LITAF: variants seen among roughly 807,000 people sequenced by gnomAD.
LITAF encodes the protein lipopolysaccharide-induced tumor necrosis factor-alpha factor.
In LITAF, 9 loss-of-function variants were observed where a neutral mutation model predicts 14.5. That is an observed-to-expected ratio of 0.62 (90% CI 0.37 to 1.08). The LOEUF (loss-of-function observed/expected upper bound fraction) is 1.08, where lower values mean the gene tolerates loss of function less well. Among genes scored for constraint, LITAF ranks in the 50% least tolerant of loss-of-function variants. The probability of loss-of-function intolerance (pLI) is 0.01; values close to 1 mark genes in which losing one functional copy is unlikely to be tolerated. For missense variants in LITAF, 206 were observed against 213.4 expected (o/e 0.97, Z 0.22); for synonymous variants, 98 against 88.2 (o/e 1.11, Z -0.62).
chr16:11,589,921 G>GAGAT (rs2064837966), upstream of LITAF, among the ~76,000 whole-genome samples: 71 of 120,900 alleles, frequency 5.9e-4, no homozygotes, highest in East Asian at 1.6e-3. Flanking sequence ...ACCACACCCA[G>GAGAT]CCAGTTGCAT....
At chr16:11,585,230 CAAAAAAA>C (rs35542925) in intron 1 of LITAF, among the ~76,000 whole-genome samples, 3 of 90,704 alleles carry the variant, frequency 3.3e-5, no homozygotes, top group African/African-American at 1.2e-4. Flanking sequence ...GACTCTGTCT[CAAAAAAA>C]AAAAAAAAAA....
chr16:11,599,981 A>G, upstream of LITAF, among the ~76,000 whole-genome samples: 1 of 151,584 alleles, frequency 6.6e-6, no homozygotes, highest in South Asian at 2.1e-4. Flanking sequence ...TTGCACTACC[A>G]TCTCCTTTTT....
At chr16:11,570,599 C>T (rs1304418806) in intron 1 of LITAF, among the ~76,000 whole-genome samples, 1 of 152,164 alleles carries the variant, frequency 6.6e-6, no homozygotes, top group Non-Finnish European at 1.5e-5. Context: ...GTGGTAAAGA[C>T]AGACTTTGTG....
intron 1 of LITAF, among the ~76,000 whole-genome samples, chr16:11,576,048 T>G (rs537295691): frequency 6.6e-6 from 1 of 152,262 alleles, no homozygotes; most frequent in South Asian, 2.1e-4. Context: ...GATTAGCTAG[T>G]TTTTTTAATT....
chr16:11,547,740 A>G lies in LITAF; in HGVS notation c.*1897T>C, dbSNP rs2064126754. On this transcript the variant is annotated 3_prime_UTR_variant, in exon 4 of 4. Coordinates refer to ENST00000622633, the MANE Select transcript of LITAF (RefSeq NM_001136472.2). ...GGGACAGTTCTCTTTTGTGCATTTTATTAAAACTTGAAAGCTATGGCTTGC... is the reference window on the plus strand; with the variant it reads ...GGGACAGTTCTCTTTTGTGCATTTTGTTAAAACTTGAAAGCTATGGCTTGC... 4.4e-6 allele frequency: 2 copies of G among 451,172 alleles called. No homozygotes were observed. The highest frequency in any genetic ancestry group is 8.9e-6 in the Non-Finnish European group (2 of 225,030). The allele number at this position is 451,172 out of a possible 1,614,324, so 27.9% of individuals were successfully genotyped here.
At chr16:11,636,932 C>T (rs2065140529), upstream of LITAF, among the ~76,000 whole-genome samples, 1 of 151,480 alleles carries the variant, frequency 6.6e-6, no homozygotes, top group African/African-American at 2.4e-5. Flanking sequence ...TGCAGTGGCA[C>T]AATCTCAGCT....
chr16:11,599,767 G>A (rs930537747), upstream of LITAF, among the ~76,000 whole-genome samples: 6 of 151,956 alleles, frequency 3.9e-5, no homozygotes, highest in African/African-American at 1.2e-4. Flanking sequence ...AGCCACAGGG[G>A]CCTCCTCCCA....
Position 11,586,383 on chromosome 16 carries a change from C to G in LITAF, c.-6+503G>C, listed in dbSNP as rs1380822794. ...GGGCAGGGAGAGAAACGCGGGTACC[C>G]GCGCCCCTAGAAGTCAAATGTTTGG... On this transcript the variant is annotated intron_variant, in intron 1 of 3. Transcript: ENST00000622633. The surrounding 1 kb of genome is among the most constrained non-coding windows in gnomAD (Gnocchi z 6.5). The G allele has an allele frequency of 6.6e-6, 1 of 152,258 alleles. No individual in the cohort carries two copies. The highest frequency in any genetic ancestry group is 1.5e-5 in the Non-Finnish European group (1 of 68,056). 9.4% of individuals were successfully genotyped at this position (152,258 alleles called of 1,614,324 possible). A position where few individuals can be genotyped will look rare whatever the true frequency, so the allele number is the denominator to read the frequency against.
Position 11,596,926 on chromosome 16 carries a change from A to G in LITAF, c.-6+1462T>C, listed in dbSNP as rs113593573. On this transcript the variant is annotated intron_variant, in intron 1 of 3. Coordinates refer to the LITAF transcript ENST00000571627. ...ATGTAAAAGCACTTTTACATCCACC[A>G]TCTCATTTTCTCCTTACAACAATCC... 2.8e-3 allele frequency among the ~76,000 whole-genome samples: 428 copies of G among 152,224 alleles called. 1 individual carries two copies. Among genetic ancestry groups the G allele is most frequent in the Middle Eastern group, 0.01 (3 of 294 alleles).
In LITAF at chr16:11,571,826, G is replaced by A. The variant is rs539305568; in HGVS notation, c.-6+15060C>T. ...TAAATGGTTTAATCTTTCCAAGCAC[G>A]GTGGCTCATGCCTGTAGTCCCAGCA... On this transcript the variant is annotated intron_variant, in intron 1 of 3. Coordinates refer to ENST00000622633, the MANE Select transcript of LITAF (RefSeq NM_001136472.2). Among the ~76,000 whole-genome samples the A allele has an allele frequency of 1.2e-4, 19 of 152,232 alleles. 1 individual carries two copies. Among genetic ancestry groups the A allele is most frequent in the African/African-American group, 4.1e-4 (17 of 41,532 alleles).
At chr16:11,602,707 C>T (rs969521589), upstream of LITAF, among the ~76,000 whole-genome samples, 2 of 147,402 alleles carry the variant, frequency 1.4e-5, no homozygotes, top group Non-Finnish European at 3.0e-5. Context: ...TATTTCTATA[C>T]GAGTGCCCGT....
At chr16:11,590,114 G>A (rs1597363053), upstream of LITAF, among the ~76,000 whole-genome samples, 2 of 81,928 alleles carry the variant, frequency 2.4e-5, 1 homozygote, top group African/African-American at 1.5e-4. Flanking sequence ...GCAACATAGC[G>A]AGACCCCATC....
At chr16:11,572,957 C>T (rs2064568928) in intron 1 of LITAF, among the ~76,000 whole-genome samples, 2 of 140,714 alleles carry the variant, frequency 1.4e-5, no homozygotes, top group East Asian at 2.1e-4. Flanking sequence ...GAGACAGGGT[C>T]TCACTCTGTC....
At chr16:11,552,254 G>T (rs2064192662) in intron 3 of LITAF, among the ~76,000 whole-genome samples, 1 of 152,168 alleles carries the variant, frequency 6.6e-6, no homozygotes, top group Non-Finnish European at 1.5e-5. Context: ...ACGTGGCCAG[G>T]TATAAGGAAG....
At chr16:11,579,180 ACT>A (rs1356467532) in intron 1 of LITAF, among the ~76,000 whole-genome samples, 1 of 151,248 alleles carries the variant, frequency 6.6e-6, no homozygotes, top group Non-Finnish European at 1.5e-5. Flanking sequence ...CAAGAACAAA[ACT>A]CTGTCTCAAA....
chr16:11,573,355 A>C (rs954239738), intron 1 of LITAF, among the ~76,000 whole-genome samples: 1 of 152,318 alleles, frequency 6.6e-6, no homozygotes, highest in East Asian at 1.9e-4. Flanking sequence ...GTATCGATAA[A>C]CTGAGGCTCC....
intron 1 of LITAF, among the ~76,000 whole-genome samples, chr16:11,593,148 G>A (rs2064858079): frequency 1.3e-5 from 2 of 151,920 alleles, no homozygotes; most frequent in Admixed American, 1.3e-4. Context: ...TCCAGCCTGG[G>A]CAGCAGAGTG....
At chr16:11,588,237 ATAG>A (rs1335007018), upstream of LITAF, among the ~76,000 whole-genome samples, 1 of 152,180 alleles carries the variant, frequency 6.6e-6, no homozygotes, top group Non-Finnish European at 1.5e-5. Context: ...GCTCTTGCCT[ATAG>A]TCTCAGGACT....
intron 1 of LITAF, among the ~76,000 whole-genome samples, chr16:11,596,251 G>A (rs1247549849): frequency 6.6e-6 from 1 of 152,106 alleles, no homozygotes; most frequent in Non-Finnish European, 1.5e-5. Flanking sequence ...CCCAGAGTGA[G>A]GCCCGGGTTA....
Sources: allele counts gnomAD v4.1 joint callset (sites outside exome capture counted in the v4.1 genomes callset), GRCh38; gene constraint gnomAD v4.1.1; non-coding constraint Gnocchi (gnomAD v3.1); transcripts MANE v1.5; gene names NCBI Gene and HGNC (gene_info 2026-07-23, HGNC 2026-07-21).